The following FAM135B variants were observed in gnomAD, a reference collection of about 807,000 sequenced individuals.
FAM135B encodes family with sequence similarity 135 member B, also known as protein FAM135B.
A neutral mutation model predicts 127.7 loss-of-function variants in FAM135B; 43 were observed. The observed-to-expected ratio is 0.34, with a 90% confidence interval of 0.26 to 0.43. FAM135B has a LOEUF of 0.43. Among genes scored for constraint, FAM135B ranks in the 20% least tolerant of loss-of-function variants. The pLI, the probability that FAM135B is intolerant of heterozygous loss-of-function variation, is 1.00. For synonymous variants in FAM135B, 670 were observed against 665.1 expected, an observed-to-expected ratio of 1.01 and a Z score of -0.11; for missense variants, 1,558 against 1,725.6, an observed-to-expected ratio of 0.90 and a Z score of 1.72.
chr8:138,318,238 TA>T (rs1827221521), intron 2 of FAM135B, among the ~76,000 whole-genome samples: 1 of 152,178 alleles, frequency 6.6e-6, no homozygotes, highest in Non-Finnish European at 1.5e-5. Flanking sequence ...ATTTCTTTAA[TA>T]AAAGATCTAT....
At chr8:138,396,652 T>C (rs878898545) in intron 1 of FAM135B, among the ~76,000 whole-genome samples, 2 of 152,166 alleles carry the variant, frequency 1.3e-5, no homozygotes, top group Non-Finnish European at 2.9e-5. Context: ...ATCTGGCCAA[T>C]AGTACATGGA....
intron 3 of FAM135B, among the ~76,000 whole-genome samples, chr8:138,285,229 C>A (rs1006534655): frequency 6.8e-6 from 1 of 147,200 alleles, no homozygotes; most frequent in South Asian, 2.2e-4. Context: ...TCACCGCAAC[C>A]TCTGCCTTCT....
Position 138,452,124 on chromosome 8 carries a change from CTTTTTTTTTTTTT to C in FAM135B, c.-20+44534_-20+44546del, listed in dbSNP as rs1158033996. On this transcript the variant is annotated intron_variant, in intron 1 of 19. Coordinates refer to ENST00000395297, the MANE Select transcript of FAM135B (RefSeq NM_015912.4). ...TTTCCTATTTCATCCACCCAATCTG[CTTTTTTTTTTTTT>C]TTTTTTTTTTGAGATGGAGTCTTGC... Among the ~76,000 whole-genome samples the C allele has an allele frequency of 1.6e-3, 168 of 104,176 alleles. 1 individual carries two copies. The highest frequency in any genetic ancestry group is 6.0e-3 in the African/African-American group (161 of 26,918). 68.3% of individuals were successfully genotyped at this position (104,176 alleles called of 152,430 possible).
chr8:138,446,589 A>G (rs1384655443), intron 1 of FAM135B, among the ~76,000 whole-genome samples: 2 of 152,208 alleles, frequency 1.3e-5, no homozygotes, highest in African/African-American at 2.4e-5. Context: ...TTCAGGGAAA[A>G]CTGGCTAGCC....
intron 1 of FAM135B, among the ~76,000 whole-genome samples, chr8:138,474,917 A>C (rs62527850): frequency 0.04 from 6,104 of 152,224 alleles, 185 homozygotes; most frequent in East Asian, 0.14. Flanking sequence ...AGTAATTCAC[A>C]TACTACTAAT....
At chr8:138,236,024 C>T (rs1479896299) in intron 7 of FAM135B, among the ~76,000 whole-genome samples, 2 of 152,132 alleles carry the variant, frequency 1.3e-5, no homozygotes, top group Admixed American at 6.5e-5. Flanking sequence ...AACTGGGAGG[C>T]TCAATGTGCA....
At chr8:138,137,106 C>T (rs746890097) in intron 19 of FAM135B, 41 bp downstream of exon 19, 2 of 1,060,326 alleles carry the variant, frequency 1.9e-6, no homozygotes, top group Non-Finnish European at 3.0e-6. Flanking sequence ...TTTTGCTTTT[C>T]AAATTAGAAA....
chr8:138,255,188 C>T (rs1341267233), intron 5 of FAM135B, among the ~76,000 whole-genome samples: 1 of 152,026 alleles, frequency 6.6e-6, no homozygotes, highest in Admixed American at 6.6e-5. Context: ...AGCCACTGCC[C>T]CTGGCCAAGT....
chr8:138,178,729 T>A (rs764803234), intron 9 of FAM135B, 39 bp from the exon 10 acceptor site: 1 of 1,598,418 alleles, frequency 6.3e-7, no homozygotes, highest in Non-Finnish European at 8.6e-7. Flanking sequence ...GGCTCCTGAC[T>A]CCATGAAGTC....
chr8:138,228,023 C>T lies in FAM135B; in HGVS notation c.669+14919G>A, dbSNP rs529625813. Among the ~76,000 whole-genome samples the T allele has an allele frequency of 2.0e-5, 3 of 152,284 alleles. No individual in the cohort carries two copies. In the South Asian group the frequency reaches 6.2e-4, roughly 32 times the overall value. ...TATAGCTTCTACTGCCTTCTTCATA[C>T]ACACAGAAAAGCATCCGTTTCTGAG... On this transcript the variant is annotated intron_variant, in intron 7 of 19. Coordinates refer to ENST00000395297, the MANE Select transcript of FAM135B (RefSeq NM_015912.4).
chr8:138,135,002 G>C (rs967583243), intron 19 of FAM135B, among the ~76,000 whole-genome samples: 1 of 152,180 alleles, frequency 6.6e-6, no homozygotes, highest in African/African-American at 2.4e-5. Context: ...GCTAGAGCAG[G>C]AGTTGTCAGA....
chr8:138,341,954 A>G (rs9650543), intron 2 of FAM135B, among the ~76,000 whole-genome samples: 79,076 of 151,966 alleles, frequency 0.52, 22,459 homozygotes, highest in Non-Finnish European at 0.65. Context: ...TTTTAGGTGC[A>G]GGGAGTAAAA....
chr8:138,236,505 C>T (rs754372993), intron 7 of FAM135B, among the ~76,000 whole-genome samples: 2 of 152,090 alleles, frequency 1.3e-5, no homozygotes, highest in Non-Finnish European at 2.9e-5. Flanking sequence ...TTTGGTTAAA[C>T]ATTCACATCA....
chr8:138,170,442 G>A (rs1188519293), intron 11 of FAM135B, among the ~76,000 whole-genome samples: 1 of 152,006 alleles, frequency 6.6e-6, no homozygotes, highest in Non-Finnish European at 1.5e-5. Context: ...GGCTGGTCTT[G>A]AACTCCCGAC....
intron 12 of FAM135B, among the ~76,000 whole-genome samples, chr8:138,156,265 C>T (rs1317607012): frequency 6.6e-6 from 1 of 152,208 alleles, no homozygotes; most frequent in Non-Finnish European, 1.5e-5. Flanking sequence ...AAAGACACAA[C>T]ATACCAGAAT....
At chr8:138,271,190 C>A (rs1823347658) in intron 3 of FAM135B, among the ~76,000 whole-genome samples, 1 of 152,150 alleles carries the variant, frequency 6.6e-6, no homozygotes, top group Non-Finnish European at 1.5e-5. Flanking sequence ...TGAAGAGATG[C>A]AATTCTGCTT....
At position 138,178,658 on chromosome 8, in the gene FAM135B, C is replaced by T. The variant is rs901625917; in HGVS notation, c.906G>A (p.Gln302=). The T allele has an allele frequency of 6.2e-7, 1 of 1,613,958 alleles. No homozygotes were observed. The highest frequency in any genetic ancestry group is 1.3e-5 in the African/African-American group (1 of 74,984). The part of the protein sequence containing the change: ...MLNNPEKIAE[Q]ISKDLAWLTS... The stretch of plus-strand genomic sequence containing the variant: ...TGAGCCAGGCCAGATCCTTGCTTAT[C>T]TGCTCAGCGATCTTCTCTGGATTGT... Residue 302 remains glutamine, a synonymous_variant, in exon 10 of 20, where the codon CAG becomes CAA. Coordinates refer to ENST00000395297, the MANE Select transcript of FAM135B (RefSeq NM_015912.4).
At chr8:138,413,003 A>G (rs1198758115) in intron 1 of FAM135B, among the ~76,000 whole-genome samples, 2 of 152,240 alleles carry the variant, frequency 1.3e-5, no homozygotes, top group East Asian at 3.9e-4. Context: ...AGAGATGCTC[A>G]GTCAGTGAAA....
intron 3 of FAM135B, among the ~76,000 whole-genome samples, chr8:138,301,955 G>A (rs935336976): frequency 6.6e-6 from 1 of 152,100 alleles, no homozygotes. Flanking sequence ...CTGGCACACA[G>A]GAGGCCCTCA....
Sources: gnomAD v4.1 joint callset for allele counts (sites outside exome capture counted in the v4.1 genomes callset) on GRCh38, gnomAD v4.1.1 for gene constraint, MANE v1.5 for transcripts, NCBI Gene and HGNC (gene_info 2026-07-23, HGNC 2026-07-21) for gene names.